The following GRM7 variants were observed in gnomAD, a reference collection of about 807,000 sequenced individuals.
GRM7 encodes glutamate metabotropic receptor 7.
Under a neutral mutation model 84.5 loss-of-function variants are expected in GRM7, and 35 were observed. The observed-to-expected ratio is 0.41, with a 90% CI of 0.32 to 0.55. The LOEUF (loss-of-function observed/expected upper bound fraction) is 0.55. GRM7 is among the 20% of genes least tolerant of loss of function. The pLI, the probability that GRM7 is intolerant of heterozygous loss-of-function variation, is 0.19. For missense variants in GRM7, 1,003 were observed against 1,194.6 expected, an observed-to-expected ratio of 0.84 and a Z score of 2.36; for synonymous variants, 487 against 455.1, an observed-to-expected ratio of 1.07 and a Z score of -0.89.
chr3:7,636,822 G>A (rs1698116060), intron 8 of GRM7, among the ~76,000 whole-genome samples: 1 of 152,134 alleles, frequency 6.6e-6, no homozygotes, highest in South Asian at 2.1e-4. Flanking sequence ...GTTGCATGGT[G>A]GCAAAATGAC....
intron 1 of GRM7, among the ~76,000 whole-genome samples, chr3:6,954,186 G>A (rs1692920770): frequency 6.6e-6 from 1 of 152,054 alleles, no homozygotes; most frequent in African/African-American, 2.4e-5. Flanking sequence ...GATATTCAGG[G>A]TATACATCAC....
intron 4 of GRM7, among the ~76,000 whole-genome samples, chr3:7,318,168 T>C (rs1700648539): frequency 6.6e-6 from 1 of 152,116 alleles, no homozygotes; most frequent in African/African-American, 2.4e-5. Flanking sequence ...AAAATCTAAC[T>C]TTTTTCCTTT....
intron 4 of GRM7, among the ~76,000 whole-genome samples, chr3:7,389,873 T>C (rs149547434): frequency 3.5e-4 from 54 of 152,240 alleles, no homozygotes; most frequent in African/African-American, 1.2e-3. Flanking sequence ...TGTGAGGCTT[T>C]GTTCTTGTCA....
chr3:7,617,658 G>GAAAC (rs147905651), intron 8 of GRM7, among the ~76,000 whole-genome samples: 168 of 152,228 alleles, frequency 1.1e-3, no homozygotes, highest in African/African-American at 4.0e-3. Flanking sequence ...GTAAATAAAT[G>GAAAC]AAACAGAAAA....
intron 9 of GRM7, chr3:7,682,336 C>CAAAAAAAAAAAAAAAAAAA (rs905940773): frequency 1.2e-4 from 6 of 51,092 alleles, no homozygotes; most frequent in African/African-American, 2.6e-4. Context: ...AACTCCATCT[C>CAAAAAAAAAAAAAAAAAAA]AAAAAAAAAA....
At chr3:6,964,440 A>G (rs1357829601) in intron 1 of GRM7, among the ~76,000 whole-genome samples, 1 of 152,118 alleles carries the variant, frequency 6.6e-6, no homozygotes, top group Non-Finnish European at 1.5e-5. Context: ...AAGGACTTAA[A>G]CAGTAAGTCC....
chr3:7,704,421 TA>T (rs1308020393), intron 9 of GRM7, among the ~76,000 whole-genome samples: 1 of 152,156 alleles, frequency 6.6e-6, no homozygotes, highest in Non-Finnish European at 1.5e-5. Flanking sequence ...GAGTGAATGA[TA>T]AAAAGTTTGA....
chr3:7,607,627 T>G (rs139391776), intron 8 of GRM7: 13 of 151,974 alleles, frequency 8.6e-5, no homozygotes, highest in African/African-American at 2.9e-4. Context: ...TAGCCACTGT[T>G]GCACAGAGAA....
At chr3:7,270,415 A>G (rs1038752626) in intron 2 of GRM7, among the ~76,000 whole-genome samples, 2 of 152,216 alleles carry the variant, frequency 1.3e-5, no homozygotes, top group African/African-American at 4.8e-5. Flanking sequence ...GGCCATAAGT[A>G]TTGAATAGTC....
intron 7 of GRM7, among the ~76,000 whole-genome samples, chr3:7,495,175 A>G (rs886124154): frequency 6.6e-6 from 1 of 152,056 alleles, no homozygotes; most frequent in Non-Finnish European, 1.5e-5. Context: ...GTCTTTGCAG[A>G]GCTATTTTTG....
chr3:7,565,945 G>T (rs766415580), intron 7 of GRM7, among the ~76,000 whole-genome samples: 11 of 152,120 alleles, frequency 7.2e-5, no homozygotes, highest in Non-Finnish European at 1.5e-4. Context: ...ATAATTTCCT[G>T]CATGACATAA....
At chr3:7,144,359 A>T (rs1694042236) in intron 1 of GRM7, among the ~76,000 whole-genome samples, 1 of 152,210 alleles carries the variant, frequency 6.6e-6, no homozygotes, top group South Asian at 2.1e-4. Flanking sequence ...ACAATTAGAT[A>T]AGGCAATGCA....
chr3:7,637,092 A>T (rs1407197349), intron 8 of GRM7, among the ~76,000 whole-genome samples: 3 of 152,080 alleles, frequency 2.0e-5, no homozygotes, highest in Admixed American at 6.6e-5. Context: ...GCATGGGGAG[A>T]TGTTGCAATT....
intron 8 of GRM7, among the ~76,000 whole-genome samples, chr3:7,581,072 T>C (rs1248759475): frequency 6.6e-6 from 1 of 152,130 alleles, no homozygotes; most frequent in Non-Finnish European, 1.5e-5. Flanking sequence ...TTGGGGAACA[T>C]AAAAAGGAAA....
chr3:7,594,821 T>C (rs73809451), intron 8 of GRM7, among the ~76,000 whole-genome samples: 1,894 of 152,198 alleles, frequency 0.012, 42 homozygotes, highest in African/African-American at 0.044. Flanking sequence ...GAGAGATATA[T>C]GGCCTAGGAG....
At position 7,298,731 on chromosome 3, in the gene GRM7, G is replaced by A. The variant is rs752652087; in HGVS notation, c.784G>A (p.Asp262Asn). The A allele has an allele frequency of 1.2e-5, 19 of 1,613,452 alleles. No homozygotes were observed. Among genetic ancestry groups the A allele is most frequent in the Non-Finnish European group, 8.5e-7 (1 of 1,179,570 alleles). The change falls in exon 3 of 10, where the codon GAC becomes AAC. Residue 262 changes from aspartate to asparagine, a missense_variant. Physicochemically the swap from Asp to Asn is conservative, Grantham distance 23 (BLOSUM62 1). Coordinates refer to ENST00000357716, the MANE Select transcript of GRM7 (RefSeq NM_000844.4). The part of the protein sequence containing the change: ...QSVRIPQERK[D>N]RTIDFDRIIK... The stretch of plus-strand genomic sequence containing the variant: ...CGTGAGAATCCCCCAGGAACGCAAA[G>A]ACAGGACCATTGACTTTGATAGAAT...
chr3:7,374,280 A>C (rs2125121232), intron 4 of GRM7, among the ~76,000 whole-genome samples: 1 of 152,050 alleles, frequency 6.6e-6, no homozygotes, highest in Non-Finnish European at 1.5e-5. Context: ...TATGCTGTTC[A>C]AGCGATTTTC....
chr3:7,261,287 G>T (rs942407677), intron 2 of GRM7, among the ~76,000 whole-genome samples: 1 of 152,172 alleles, frequency 6.6e-6, no homozygotes, highest in Non-Finnish European at 1.5e-5. Flanking sequence ...GCAAGATCAG[G>T]TTATTTAATT....
At position 7,537,334 on chromosome 3, in the gene GRM7, T is replaced by C. The variant is rs553808934; in HGVS notation, c.1516-41088T>C. ...AAAACTACGGTTCTCAACTCTCAGC[T>C]CAGGCTAACCCAAAAGGGCTACTTT... On this transcript the variant is annotated intron_variant, in intron 7 of 9. Transcript: ENST00000357716. 9.9e-5 allele frequency among the ~76,000 whole-genome samples: 15 copies of C among 152,278 alleles called. No homozygotes were observed. In the South Asian group the frequency reaches 2.1e-3, roughly 21 times the overall value.
Sources: gnomAD v4.1 joint callset for allele counts (sites outside exome capture counted in the v4.1 genomes callset) on GRCh38, gnomAD v4.1.1 for gene constraint, MANE v1.5 for transcripts, NCBI Gene and HGNC (gene_info 2026-07-23, HGNC 2026-07-21) for gene names.